The following PTGS1 variants were observed in gnomAD, a reference collection of about 807,000 sequenced individuals.
The protein encoded by PTGS1 is prostaglandin G/H synthase 1.
Under a neutral mutation model 63.0 loss-of-function variants are expected in PTGS1, and 40 were observed. The ratio of observed to expected loss-of-function variants is 0.63; its 90% confidence interval spans 0.49 to 0.83. PTGS1 has a LOEUF of 0.83. PTGS1 is among the 40% of genes least tolerant of loss of function. The pLI, the probability that PTGS1 is intolerant of heterozygous loss-of-function variation, is 0.00. For missense variants in PTGS1, 709 were observed against 786.5 expected (o/e 0.90, Z 1.18); for synonymous variants, 298 against 301.9 (o/e 0.99, Z 0.13).
chr9:122,380,478 T>A lies in PTGS1; in HGVS notation c.497-893T>A, dbSNP rs535595619. Among the ~76,000 whole-genome samples the A allele has an allele frequency of 8.9e-3, 1,252 of 141,414 alleles. 22 individuals carry two copies. The highest frequency in any genetic ancestry group is 0.032 in the African/African-American group (1,168 of 36,334). The allele number at this position is 141,414 out of a possible 152,430, so 92.8% of individuals were successfully genotyped here. ...AGACCCTGTCTCAAAAATAAATAAA[T>A]AAATAAATAAATAAATAAATAAATA... On this transcript the variant is annotated intron_variant, in intron 5 of 10. Coordinates refer to ENST00000362012, the MANE Select transcript of PTGS1 (RefSeq NM_000962.4).
rs1167123015 is a variant in PTGS1 at position 122,390,200 on chromosome 9, CG to C, written c.1301del (p.Gly434ValfsTer38). 1.2e-6 allele frequency: 2 copies of C among 1,613,258 alleles called. No individual in the cohort carries two copies. Among genetic ancestry groups the C allele is most frequent in the African/African-American group, 2.7e-5 (2 of 74,898 alleles). On this transcript the variant is annotated frameshift_variant, in exon 10 of 11. Transcript: ENST00000362012. LOFTEE classifies it high-confidence loss of function. ...AFSRQIAGRI[G>X]GGRNMDHHIL... ...CTGCTGTGCTTCTCTCTCGGCAGAT[CG>C]GTGGGGGCAGGAACATGGACCACCA...
At position 122,392,681 on chromosome 9, in the gene PTGS1, A is replaced by G; in HGVS notation, c.*137A>G. The G allele has an allele frequency of 1.5e-6, 1 of 683,256 alleles. No individual in the cohort carries two copies. The highest frequency in any genetic ancestry group is 2.4e-6 in the Non-Finnish European group (1 of 414,866). The allele number at this position is 683,256 out of a possible 1,614,324, so 42.3% of individuals were successfully genotyped here. ...GTTGGGGTTGACATTTAGAACTTTA[A>G]GTCTCACCCATTATCTGGAATATTG... On this transcript the variant is annotated 3_prime_UTR_variant, in exon 11 of 11. Coordinates refer to ENST00000362012, the MANE Select transcript of PTGS1 (RefSeq NM_000962.4).
At position 122,390,227 on chromosome 9, in the gene PTGS1, C is replaced by A. The variant is rs200049829; in HGVS notation, c.1326C>A (p.His442Gln). Residue 442 changes from histidine to glutamine, a missense_variant, in exon 10 of 11, where the codon CAC becomes CAA. By Grantham distance (24) the His-to-Gln change is conservative (BLOSUM62 0). Transcript: ENST00000362012. Reference sequence around the variant, plus strand: ...GTGGGGGCAGGAACATGGACCACCACATCCTGCATGTGGCTGTGGATGTCA... The same window carrying A: ...GTGGGGGCAGGAACATGGACCACCAAATCCTGCATGTGGCTGTGGATGTCA... ...RIGGGRNMDH[H>Q]ILHVAVDVIR... The A allele has an allele frequency of 2.4e-5, 38 of 1,614,014 alleles. No individual in the cohort carries two copies. The highest frequency in any genetic ancestry group is 3.1e-5 in the Non-Finnish European group (37 of 1,179,998).
chr9:122,381,726 G>C lies in PTGS1; in HGVS notation c.741G>C (p.Lys247Asn). 5 of 1,613,568 alleles carry C rather than the reference G, an allele frequency of 3.1e-6. No homozygotes were observed. Among genetic ancestry groups the C allele is most frequent in the Non-Finnish European group, 4.2e-6 (5 of 1,179,978 alleles). Reference protein sequence around the residue: ...LERQYQLRLFKDGKLKYQVLD... With the variant: ...LERQYQLRLFNDGKLKYQVLD... Reference sequence around the variant, plus strand: ...GTCAGTATCAACTGCGGCTCTTTAAGGATGGGAAACTCAAGTACCAGGTAG... The same window carrying C: ...GTCAGTATCAACTGCGGCTCTTTAACGATGGGAAACTCAAGTACCAGGTAG... Residue 247 changes from lysine (K) to asparagine (N), a missense_variant, in exon 7 of 11, where the codon AAG becomes AAC. Physicochemically the swap from Lys to Asn is moderately conservative, Grantham distance 94. Transcript: ENST00000362012.
chr9:122,372,882 G>A (rs1836888499), intron 2 of PTGS1: 1 of 152,274 alleles, frequency 6.6e-6, no homozygotes, highest in Non-Finnish European at 1.5e-5. Context: ...TGGAGACACG[G>A]AGCTGGGAGG....
At position 122,392,296 on chromosome 9, in the gene PTGS1, G is replaced by A; in HGVS notation, c.1552G>A (p.Gly518Arg). ...AAAGTGCCATCCAAACTCTATCTTTGGGGAGAGTATGATAGAGATTGGGGC... is the reference window on the plus strand; with the variant it reads ...AAAGTGCCATCCAAACTCTATCTTTAGGGAGAGTATGATAGAGATTGGGGC... Reference protein sequence around the residue: ...LEKCHPNSIFGESMIEIGAPF... With the variant: ...LEKCHPNSIFRESMIEIGAPF... Residue 518 changes from glycine (G) to arginine (R), a missense_variant, in exon 11 of 11, where the codon GGG becomes AGG. By Grantham distance (125) the Gly-to-Arg change is moderately radical. Transcript: ENST00000362012. The A allele has an allele frequency of 6.2e-7, 1 of 1,614,042 alleles. No individual in the cohort carries two copies. Among genetic ancestry groups the A allele is most frequent in the South Asian group, 1.1e-5 (1 of 91,070 alleles).
At chr9:122,371,610 T>C (rs1052799853) in intron 2 of PTGS1, 4 of 1,431,694 alleles carry the variant, frequency 2.8e-6, no homozygotes, top group Non-Finnish European at 3.6e-6. Context: ...CTGTTTCCTA[T>C]AGGGGCCTCT....
At chr9:122,391,634 T>G (rs1408262934) in intron 10 of PTGS1, among the ~76,000 whole-genome samples, 1 of 151,488 alleles carries the variant, frequency 6.6e-6, no homozygotes, top group Non-Finnish European at 1.5e-5. Context: ...ATGTGGATAT[T>G]GCAGAGTGGA....
chr9:122,378,118 C>T lies in PTGS1; in HGVS notation c.211+103C>T, dbSNP rs1018740016. Reference sequence around the variant, plus strand: ...TTCCTACCCTCCTCTCTGACCATGGCCCTGTTCTCCTTCCTTGCCTGGTTC... The same window carrying T: ...TTCCTACCCTCCTCTCTGACCATGGTCCTGTTCTCCTTCCTTGCCTGGTTC... On this transcript the variant is annotated intron_variant, in intron 3 of 10. Transcript: ENST00000362012. 1.5e-5 allele frequency: 17 copies of T among 1,135,494 alleles called. No individual in the cohort carries two copies. In the African/African-American group the frequency reaches 2.1e-4, roughly 14 times the overall value. 70.3% of individuals were successfully genotyped at this position (1,135,494 alleles called of 1,614,324 possible). A position where few individuals can be genotyped will look rare whatever the true frequency, so the allele number is the denominator to read the frequency against.
intron 2 of PTGS1, among the ~76,000 whole-genome samples, chr9:122,376,624 G>A (rs1460988925): frequency 6.6e-6 from 1 of 152,186 alleles, no homozygotes; most frequent in South Asian, 2.1e-4. Flanking sequence ...GTTGCACAAA[G>A]AATCCATATT....
upstream of PTGS1, chr9:122,370,686 T>A: frequency 5.1e-6 from 2 of 391,382 alleles, no homozygotes; most frequent in Non-Finnish European, 9.3e-6. Flanking sequence ...AGAAGGGGAC[T>A]CTGAGACCCT....
chr9:122,383,529 C>T lies in PTGS1; in HGVS notation c.783C>T (p.Tyr261=), dbSNP rs771287763. ...LKYQVLDGEM[Y]PPSVEEAPVL... ...CACAGGTGCTGGATGGAGAAATGTA[C>T]CCGCCCTCGGTAGAAGAGGCGCCTG... Residue 261 remains tyrosine (Y), a synonymous_variant, in exon 8 of 11, where the codon TAC becomes TAT. Transcript: ENST00000362012. The T allele has an allele frequency of 1.9e-6, 3 of 1,610,806 alleles. No homozygotes were observed. The highest frequency in any genetic ancestry group is 1.1e-5 in the South Asian group (1 of 91,004).
At chr9:122,378,099 C>A in intron 3 of PTGS1, 84 bp downstream of exon 3, 1 of 1,271,740 alleles carries the variant, frequency 7.9e-7, no homozygotes, top group Non-Finnish European at 1.1e-6. Context: ...TAACTTCCTA[C>A]CCTCCTCTCT....
Position 122,392,816 on chromosome 9 carries a change from GA to G in PTGS1, c.*274del, listed in dbSNP as rs1353463354. 1 of 351,130 alleles carries G rather than the reference GA, an allele frequency of 2.8e-6. No homozygotes were observed. Among genetic ancestry groups the G allele is most frequent in the Non-Finnish European group, 5.2e-6 (1 of 193,222 alleles). The allele number at this position is 351,130 out of a possible 1,614,324, so 21.8% of individuals were successfully genotyped here. ...TACTGGGTTCTTAGTTGACAACCTA[GA>G]ATGTCAGATTTCTGGTTGATTTGTA... On this transcript the variant is annotated 3_prime_UTR_variant, in exon 11 of 11. Transcript: ENST00000362012.
At chr9:122,377,192 G>C (rs1837218115) in intron 2 of PTGS1, among the ~76,000 whole-genome samples, 1 of 152,174 alleles carries the variant, frequency 6.6e-6, no homozygotes. Context: ...CCAGGGTTCT[G>C]GAAAACTTCT....
chr9:122,377,820 C>T, intron 2 of PTGS1, 79 bp from the exon 3 acceptor site: 1 of 1,294,432 alleles, frequency 7.7e-7, no homozygotes, highest in Non-Finnish European at 1.1e-6. Context: ...CCTCTGGCCC[C>T]TCATTCCCCC....
At position 122,371,091 on chromosome 9, in the gene PTGS1, C is replaced by T. The variant is rs901122141; in HGVS notation, c.7C>T (p.Arg3Trp). The T allele has an allele frequency of 3.7e-6, 6 of 1,601,360 alleles. No individual in the cohort carries two copies. Among genetic ancestry groups the T allele is most frequent in the Admixed American group, 1.7e-5 (1 of 59,800 alleles). Residue 3 changes from arginine (R) to tryptophan (W), a missense_variant and splice_region_variant, in exon 1 of 11, where the codon CGG becomes TGG. By Grantham distance (101) the Arg-to-Trp change is moderately radical (BLOSUM62 -3). Coordinates refer to ENST00000362012, the MANE Select transcript of PTGS1 (RefSeq NM_000962.4). The stretch of plus-strand genomic sequence containing the variant: ...GCACCCCAGCAGCCGCGCCATGAGC[C>T]GTGAGTGCGACCCCGGTGCCCGGTG... Reference protein sequence around the residue: MSRSLLLWFLLFL... With the variant: MSWSLLLWFLLFL...
chr9:122,383,492 G>A lies in PTGS1; in HGVS notation c.763-17G>A, dbSNP rs1298463117. ...GTGACCCCCAACCCCAGGTTGCCAG[G>A]TGGCCCCATCCCACAGGTGCTGGAT... On this transcript the variant is annotated splice_polypyrimidine_tract_variant and intron_variant, in intron 7 of 10. Coordinates refer to ENST00000362012, the MANE Select transcript of PTGS1 (RefSeq NM_000962.4). 1.3e-6 allele frequency: 2 copies of A among 1,583,966 alleles called. No individual in the cohort carries two copies. The highest frequency in any genetic ancestry group is 1.7e-5 in the Admixed American group (1 of 58,880).
chr9:122,390,022 C>T (rs895627714), intron 9 of PTGS1, among the ~76,000 whole-genome samples, 176 bp from the exon 10 acceptor site: 1 of 152,134 alleles, frequency 6.6e-6, no homozygotes, highest in Non-Finnish European at 1.5e-5. Context: ...CCTGAGAGAG[C>T]ATGACAGCAG....
Sources: gnomAD v4.1 joint callset for allele counts (sites outside exome capture counted in the v4.1 genomes callset) on GRCh38, gnomAD v4.1.1 for gene constraint, MANE v1.5 for transcripts, NCBI Gene and HGNC (gene_info 2026-07-23, HGNC 2026-07-21) for gene names.